The following MAGI3 variants were observed in gnomAD, a reference collection of about 807,000 sequenced individuals.
MAGI3 encodes the protein membrane-associated guanylate kinase, WW and PDZ domain-containing protein 3.
MAGI3 carries 43 observed loss-of-function variants against 121.8 expected under a neutral mutation model. The ratio of observed to expected loss-of-function variants is 0.35; its 90% confidence interval spans 0.28 to 0.46. The LOEUF is 0.46. Ranked by LOEUF, MAGI3 falls within the 20% of genes least tolerant of loss-of-function variation. The pLI, the probability that MAGI3 is intolerant of heterozygous loss-of-function variation, is 1.00. For synonymous variants in MAGI3, 553 were observed against 639.3 expected, an observed-to-expected ratio of 0.86 and a Z score of 2.04; for missense variants, 1,547 against 1,797.3, an observed-to-expected ratio of 0.86 and a Z score of 2.52.
chr1:113,422,612 C>T lies in MAGI3; in HGVS notation c.316+31263C>T, dbSNP rs1652781076. On this transcript the variant is annotated intron_variant, in intron 1 of 20. Coordinates refer to ENST00000307546, the MANE Select transcript of MAGI3 (RefSeq NM_001142782.2). The surrounding 1 kb of genome is among the most constrained non-coding windows in gnomAD (Gnocchi z 4.3). ...GCAGCTCCCGGCGCTGGCACAGGCGCCTGCTCCGTGCAAGGGTGCATCTAT... is the reference window on the plus strand; with the variant it reads ...GCAGCTCCCGGCGCTGGCACAGGCGTCTGCTCCGTGCAAGGGTGCATCTAT... 6.6e-6 allele frequency among the ~76,000 whole-genome samples: 1 copy of T among 152,194 alleles called. No individual in the cohort carries two copies. Among genetic ancestry groups the T allele is most frequent in the Non-Finnish European group, 1.5e-5 (1 of 68,026 alleles).
intron 16 of MAGI3, among the ~76,000 whole-genome samples, chr1:113,671,028 G>A (rs1474509495): frequency 6.6e-6 from 1 of 152,080 alleles, no homozygotes; most frequent in Non-Finnish European, 1.5e-5. Context: ...TTTAATTGTC[G>A]CCTCCTTGCC....
intron 1 of MAGI3, among the ~76,000 whole-genome samples, chr1:113,507,679 T>A (rs1033004824): frequency 1.3e-5 from 2 of 152,228 alleles, no homozygotes; most frequent in Admixed American, 1.3e-4. Context: ...TTGTATTACC[T>A]TATCTTTGTA....
At chr1:113,675,818 C>T (rs1004174285) in intron 19 of MAGI3, among the ~76,000 whole-genome samples, 2 of 152,186 alleles carry the variant, frequency 1.3e-5, no homozygotes, top group East Asian at 3.8e-4. Flanking sequence ...CTTATAGAGA[C>T]AATTTCATAT....
At chr1:113,442,146 A>T (rs1472198478) in intron 1 of MAGI3, among the ~76,000 whole-genome samples, 1 of 152,220 alleles carries the variant, frequency 6.6e-6, no homozygotes, top group Non-Finnish European at 1.5e-5. Flanking sequence ...AGTAATAAAC[A>T]TAATAATGAT....
At position 113,651,003 on chromosome 1, in the gene MAGI3, T is replaced by C; in HGVS notation, c.2248-11T>C. On this transcript the variant is annotated splice_polypyrimidine_tract_variant and intron_variant, in intron 13 of 20. Coordinates refer to ENST00000307546, the MANE Select transcript of MAGI3 (RefSeq NM_001142782.2). ...CACTGTGGACCAAACTGTACTTTGTTATCTTATCAGATATATATTGGGGCT... is the reference window on the plus strand; with the variant it reads ...CACTGTGGACCAAACTGTACTTTGTCATCTTATCAGATATATATTGGGGCT... 1.2e-6 allele frequency: 2 copies of C among 1,611,660 alleles called. No homozygotes were observed. The highest frequency in any genetic ancestry group is 1.7e-6 in the Non-Finnish European group (2 of 1,178,948).
chr1:113,537,972 C>T (rs1659087241), intron 1 of MAGI3, among the ~76,000 whole-genome samples: 1 of 152,142 alleles, frequency 6.6e-6, no homozygotes. Context: ...ACTCAGATTA[C>T]TTTTGATGTA....
At chr1:113,548,212 T>TA (rs1361415374) in intron 1 of MAGI3, among the ~76,000 whole-genome samples, 1 of 152,238 alleles carries the variant, frequency 6.6e-6, no homozygotes, top group East Asian at 1.9e-4. Flanking sequence ...TTCAATAAAA[T>TA]AATCTATTTT....
intron 1 of MAGI3, among the ~76,000 whole-genome samples, chr1:113,456,117 A>ATTT (rs35038942): frequency 5.6e-4 from 63 of 113,214 alleles, no homozygotes; most frequent in Non-Finnish European, 8.7e-4. Flanking sequence ...CGCCCGGCTA[A>ATTT]TTTTTTTTTT....
At chr1:113,508,652 C>T (rs574907190) in intron 1 of MAGI3, among the ~76,000 whole-genome samples, 2 of 152,268 alleles carry the variant, frequency 1.3e-5, no homozygotes, top group South Asian at 2.1e-4. Context: ...TCCCCTCCAT[C>T]GCTAATAAAC....
chr1:113,569,619 C>A (rs1393305941), intron 2 of MAGI3, among the ~76,000 whole-genome samples: 1 of 152,108 alleles, frequency 6.6e-6, no homozygotes, highest in Non-Finnish European at 1.5e-5. Context: ...AAACATATTT[C>A]ACAGAAATCC....
At chr1:113,408,443 A>T (rs1651804015) in intron 1 of MAGI3, among the ~76,000 whole-genome samples, 1 of 152,154 alleles carries the variant, frequency 6.6e-6, no homozygotes. Flanking sequence ...GTCCTATGGA[A>T]TTAACTAGCT....
At chr1:113,406,706 A>C (rs12021783) in intron 1 of MAGI3, among the ~76,000 whole-genome samples, 23,141 of 152,018 alleles carry the variant, frequency 0.15, 2,794 homozygotes, top group East Asian at 0.63. Flanking sequence ...CCTGAGTTCA[A>C]GACCAGCCTG....
At chr1:113,515,006 G>A (rs1012443548) in intron 1 of MAGI3, among the ~76,000 whole-genome samples, 2 of 152,102 alleles carry the variant, frequency 1.3e-5, no homozygotes, top group African/African-American at 4.8e-5. Flanking sequence ...GGCATATATT[G>A]TGCATCTTTG....
intron 1 of MAGI3, among the ~76,000 whole-genome samples, chr1:113,528,032 T>C (rs961749648): frequency 1.3e-5 from 2 of 152,132 alleles, no homozygotes; most frequent in Admixed American, 6.5e-5. Flanking sequence ...TTGCAAATTT[T>C]ATGACACTTT....
In MAGI3 at chr1:113,391,884, G is replaced by C. The variant is rs945836126; in HGVS notation, c.316+535G>C. On this transcript the variant is annotated intron_variant, in intron 1 of 20. Transcript: ENST00000307546. This position sits in a 1 kb window ranked among gnomAD's most constrained non-coding sequence, Gnocchi z 4.4. Reference sequence around the variant, plus strand: ...CAGCCTAACTCTGTCAGTCCAGGTGGTTCAGGTGTCTGAGTACCGATGACG... The same window carrying C: ...CAGCCTAACTCTGTCAGTCCAGGTGCTTCAGGTGTCTGAGTACCGATGACG... Among the ~76,000 whole-genome samples the C allele has an allele frequency of 5.3e-5, 8 of 152,220 alleles. No homozygotes were observed. Among genetic ancestry groups the C allele is most frequent in the African/African-American group, 1.9e-4 (8 of 41,440 alleles).
At chr1:113,469,459 C>T (rs537340274) in intron 1 of MAGI3, among the ~76,000 whole-genome samples, 1 of 151,992 alleles carries the variant, frequency 6.6e-6, no homozygotes, top group African/African-American at 2.4e-5. Context: ...TTACTTAGGC[C>T]TTACAATCTG....
chr1:113,442,361 T>G (rs1653959347), intron 1 of MAGI3, among the ~76,000 whole-genome samples: 1 of 152,146 alleles, frequency 6.6e-6, no homozygotes, highest in Non-Finnish European at 1.5e-5. Context: ...CAGAGACATA[T>G]GTAAAGCAGT....
intron 4 of MAGI3, among the ~76,000 whole-genome samples, chr1:113,587,438 C>T (rs894730246): frequency 6.6e-6 from 1 of 152,194 alleles, no homozygotes; most frequent in African/African-American, 2.4e-5. Flanking sequence ...TCTGGTGATC[C>T]GCCTGCCTTG....
chr1:113,466,757 T>C (rs1271520543), intron 1 of MAGI3, among the ~76,000 whole-genome samples: 1 of 152,138 alleles, frequency 6.6e-6, no homozygotes, highest in Admixed American at 6.5e-5. Context: ...TTCAATTTGT[T>C]GGCATATAGT....
Sources: gnomAD v4.1 joint callset for allele counts (sites outside exome capture counted in the v4.1 genomes callset) on GRCh38, gnomAD v4.1.1 for gene constraint, Gnocchi (gnomAD v3.1) non-coding constraint, MANE v1.5 for transcripts, NCBI Gene and HGNC (gene_info 2026-07-23, HGNC 2026-07-21) for gene names.